Variants in CADM2 observed in about 807,000 individuals in gnomAD.
The protein encoded by CADM2 is immunoglobulin superfamily member 4D.
Under a neutral mutation model 49.8 loss-of-function variants are expected in CADM2, and 12 were observed. That is an observed-to-expected ratio of 0.24 (90% CI 0.15 to 0.39). The LOEUF is 0.39. Ranked by LOEUF, CADM2 falls within the 10% of genes least tolerant of loss-of-function variation. The pLI is 1.00. For synonymous variants in CADM2, 214 were observed against 175.4 expected (o/e 1.22, Z -1.74); for missense variants, 378 against 492.3 (o/e 0.77, Z 2.20).
chr3:85,249,355 C>T (rs192463141), intron 1 of CADM2, among the ~76,000 whole-genome samples: 1 of 152,098 alleles, frequency 6.6e-6, no homozygotes, highest in Admixed American at 6.6e-5. Context: ...CTAGTCCCAA[C>T]CAGACTATTC....
At chr3:85,300,054 T>A (rs1259817953) in intron 1 of CADM2, among the ~76,000 whole-genome samples, 2 of 152,106 alleles carry the variant, frequency 1.3e-5, no homozygotes, top group Non-Finnish European at 1.5e-5. Flanking sequence ...GTTTTTCTCA[T>A]TTACATCTCA....
rs191291002 is a variant in CADM2 at position 85,202,065 on chromosome 3, C to T, written c.61+242397C>T. 2.2e-3 allele frequency among the ~76,000 whole-genome samples: 257 copies of T among 119,454 alleles called. 1 individual carries two copies. Among genetic ancestry groups the T allele is most frequent in the African/African-American group, 7.7e-3 (231 of 29,872 alleles). 78.4% of individuals were successfully genotyped at this position (119,454 alleles called of 152,430 possible). ...ACTGCTCTCCAGCCTGGTGACAGAG[C>T]GAGACTCTGTCTGAAAAAAAAAAAA... On this transcript the variant is annotated intron_variant, in intron 1 of 9. Coordinates refer to ENST00000383699, the MANE Select transcript of CADM2 (RefSeq NM_001167675.2).
intron 1 of CADM2, among the ~76,000 whole-genome samples, chr3:85,581,260 T>C (rs1227845239): frequency 6.6e-6 from 1 of 152,090 alleles, no homozygotes; most frequent in Admixed American, 6.6e-5. Context: ...AAATATTATA[T>C]ACTACACTAG....
chr3:85,756,748 T>C (rs1040977520), intron 2 of CADM2, among the ~76,000 whole-genome samples: 2 of 152,198 alleles, frequency 1.3e-5, no homozygotes, highest in African/African-American at 2.4e-5. Context: ...AACTTTTTAG[T>C]CTTTTTAATC....
intron 1 of CADM2, among the ~76,000 whole-genome samples, chr3:85,441,056 T>C (rs979063280): frequency 6.6e-6 from 1 of 152,130 alleles, no homozygotes; most frequent in African/African-American, 2.4e-5. Flanking sequence ...ATTTTAATTA[T>C]TAGATTTTTT....
chr3:85,886,167 T>G (rs752552668), intron 4 of CADM2, 23 bp from the exon 5 acceptor site: 2 of 1,611,744 alleles, frequency 1.2e-6, no homozygotes, highest in Non-Finnish European at 8.5e-7. Context: ...TGATGCTCAC[T>G]TCATCATTCG....
rs569552431 is a variant in CADM2, at chr3:85,395,156, G to A, written c.62-331366G>A. ...AAAGCAATAAAGATAAATTTAGCCA[G>A]GTGTATTGGTGCATACCTGTGGGCC... On this transcript the variant is annotated intron_variant, in intron 1 of 9. Transcript: ENST00000383699. 7.2e-5 allele frequency among the ~76,000 whole-genome samples: 11 copies of A among 151,946 alleles called. No homozygotes were observed. In the East Asian group the frequency reaches 2.1e-3, roughly 30 times the overall value.
intron 1 of CADM2, among the ~76,000 whole-genome samples, chr3:85,261,539 C>A (rs1053972310): frequency 5.3e-5 from 8 of 151,988 alleles, no homozygotes; most frequent in Non-Finnish European, 1.5e-5. Context: ...TTTCATTTCT[C>A]ATTAATAATT....
At chr3:85,128,276 C>T (rs1358657062) in intron 1 of CADM2, among the ~76,000 whole-genome samples, 1 of 152,060 alleles carries the variant, frequency 6.6e-6, no homozygotes, top group South Asian at 2.1e-4. Context: ...TTTATAATGC[C>T]TAATTTTCTA....
intron 1 of CADM2, among the ~76,000 whole-genome samples, chr3:85,437,700 G>C (rs1038660757): frequency 6.6e-6 from 1 of 151,576 alleles, no homozygotes; most frequent in Non-Finnish European, 1.5e-5. Context: ...AAATAAATAG[G>C]GCTGTGGAAA....
At chr3:85,726,809 G>C (rs1234432453) in intron 2 of CADM2, among the ~76,000 whole-genome samples, 2 of 151,966 alleles carry the variant, frequency 1.3e-5, no homozygotes, top group East Asian at 3.9e-4. Context: ...GCAATAAAGT[G>C]CTTTTTTTGC....
rs557712938 is a variant in CADM2 at position 85,352,589 on chromosome 3, C to T, written c.62-373933C>T. 2.1e-4 allele frequency among the ~76,000 whole-genome samples: 32 copies of T among 152,062 alleles called. No homozygotes were observed. In the East Asian group the frequency reaches 2.9e-3, roughly 14 times the overall value. The stretch of plus-strand genomic sequence containing the variant: ...CTTTGGTTTATCTCAGAGTTGGTTA[C>T]GAGGTGGTGTTTTGTTTTCTTGTTT... On this transcript the variant is annotated intron_variant, in intron 1 of 9. Transcript: ENST00000383699.
chr3:85,189,451 C>A, intron 1 of CADM2, among the ~76,000 whole-genome samples: 1 of 152,064 alleles, frequency 6.6e-6, no homozygotes, highest in South Asian at 2.1e-4. Context: ...TTTAAATCAG[C>A]AGCTCATTTT....
At chr3:85,487,530 AAGT>A (rs2039470205) in intron 1 of CADM2, among the ~76,000 whole-genome samples, 1 of 150,508 alleles carries the variant, frequency 6.6e-6, no homozygotes. Flanking sequence ...GAGAAGGAGG[AAGT>A]GGAGGAGGAG....
intron 2 of CADM2, among the ~76,000 whole-genome samples, chr3:85,771,777 T>G (rs950654530): frequency 6.6e-6 from 1 of 152,130 alleles, no homozygotes; most frequent in Middle Eastern, 3.4e-3. Flanking sequence ...AAATGAAATA[T>G]GTTTTTCTTC....
At chr3:85,991,379 TAA>T (rs536113814) in intron 8 of CADM2, among the ~76,000 whole-genome samples, 85 of 152,350 alleles carry the variant, frequency 5.6e-4, no homozygotes, top group African/African-American at 2.0e-3. Context: ...AAGGCAGAGA[TAA>T]AGTTTTGCCT....
intron 1 of CADM2, among the ~76,000 whole-genome samples, chr3:85,612,662 G>A (rs1372930939): frequency 1.3e-5 from 2 of 151,548 alleles, no homozygotes; most frequent in Admixed American, 6.6e-5. Context: ...TTGAAAAAAA[G>A]CTTAAAAAGT....
intron 1 of CADM2, among the ~76,000 whole-genome samples, chr3:85,704,443 G>T (rs2066874251): frequency 6.6e-6 from 1 of 152,114 alleles, no homozygotes; most frequent in Non-Finnish European, 1.5e-5. Context: ...AATTCAGTAT[G>T]CCATCATGGG....
chr3:85,753,739 G>C (rs2068971449), intron 2 of CADM2, among the ~76,000 whole-genome samples: 1 of 152,114 alleles, frequency 6.6e-6, no homozygotes. Flanking sequence ...TATGACACCT[G>C]TTCTGATATG....
Sources: gnomAD v4.1 joint callset for allele counts (sites outside exome capture counted in the v4.1 genomes callset) on GRCh38, gnomAD v4.1.1 for gene constraint, MANE v1.5 for transcripts, NCBI Gene and HGNC (gene_info 2026-07-23, HGNC 2026-07-21) for gene names.